RIMS1: variants seen among roughly 807,000 people sequenced by gnomAD.
RIMS1 encodes regulating synaptic membrane exocytosis 1, also known as regulating synaptic membrane exocytosis protein 1.
A neutral mutation model predicts 214.1 loss-of-function variants in RIMS1; 83 were observed. The ratio of observed to expected loss-of-function variants is 0.39; its 90% CI spans 0.32 to 0.47. The LOEUF (loss-of-function observed/expected upper bound fraction) is 0.47, where lower values mean the gene tolerates loss of function less well. Ranked by LOEUF, RIMS1 falls within the 20% of genes least tolerant of loss-of-function variation. RIMS1 has a pLI of 0.99. For missense variants in RIMS1, 2,050 were observed against 2,161.8 expected (o/e 0.95, Z 1.03); for synonymous variants, 793 against 786.8 (o/e 1.01, Z -0.13).
intron 26 of RIMS1, among the ~76,000 whole-genome samples, chr6:72,302,699 T>G (rs535529790): frequency 1.1e-3 from 170 of 151,748 alleles, no homozygotes; most frequent in African/African-American, 3.9e-3. Flanking sequence ...AGTTTTTTCA[T>G]TCACAAAATA....
chr6:72,277,526 G>C (rs1354874785), intron 23 of RIMS1, among the ~76,000 whole-genome samples: 2 of 150,964 alleles, frequency 1.3e-5, no homozygotes, highest in African/African-American at 4.9e-5. Flanking sequence ...AGCTTGCAGT[G>C]AGCCGACATC....
intron 9 of RIMS1, among the ~76,000 whole-genome samples, chr6:72,239,572 T>C (rs1460021337): frequency 6.6e-6 from 1 of 152,228 alleles, no homozygotes; most frequent in Non-Finnish European, 1.5e-5. Context: ...CCTATAAAAC[T>C]ACGGTGCAAT....
In RIMS1 at chr6:72,313,426, A is replaced by T. The variant is rs1455002879; in HGVS notation, c.3964-80A>T. The T allele has an allele frequency of 4.7e-6, 6 of 1,269,482 alleles. No individual in the cohort carries two copies. The African/African-American group carries it at 8.9e-5, about 19-fold the overall frequency. 78.6% of individuals were successfully genotyped at this position (1,269,482 alleles called of 1,614,324 possible). Reference sequence around the variant, plus strand: ...GGTACACCTTTATTTGGTGTGGGCTAAGTAGTCATTCATCTCACCATCTAT... The same window carrying T: ...GGTACACCTTTATTTGGTGTGGGCTTAGTAGTCATTCATCTCACCATCTAT... On this transcript the variant is annotated intron_variant, in intron 27 of 33. Coordinates refer to ENST00000521978, the MANE Select transcript of RIMS1 (RefSeq NM_014989.7).
chr6:72,318,393 A>G (rs1346835540), intron 28 of RIMS1, among the ~76,000 whole-genome samples: 2 of 152,014 alleles, frequency 1.3e-5, no homozygotes, highest in East Asian at 3.9e-4. Flanking sequence ...AAGTATATAA[A>G]TTTTGTTAAG....
chr6:71,950,356 G>T (rs1318505331), intron 1 of RIMS1, among the ~76,000 whole-genome samples: 4 of 151,772 alleles, frequency 2.6e-5, no homozygotes, highest in African/African-American at 9.7e-5. Context: ...GAATTTTATT[G>T]TATAGATTTT....
chr6:72,019,286 C>CTGT (rs10665509), intron 2 of RIMS1, among the ~76,000 whole-genome samples: 83,091 of 151,684 alleles, frequency 0.55, 23,232 homozygotes, highest in Non-Finnish European at 0.61. Flanking sequence ...AGGCATTAAA[C>CTGT]TGTTATATCT....
intron 30 of RIMS1, 100 bp downstream of exon 30, chr6:72,390,836 T>G: frequency 3.5e-6 from 5 of 1,414,834 alleles, no homozygotes; most frequent in Non-Finnish European, 2.9e-6. Context: ...AGCTTCTCTA[T>G]TTAATCAGAA....
chr6:72,224,475 A>G (rs1197373213), intron 6 of RIMS1, among the ~76,000 whole-genome samples: 4 of 152,234 alleles, frequency 2.6e-5, no homozygotes, highest in South Asian at 2.1e-4. Flanking sequence ...GACAAAGCCA[A>G]GAAACCAGTG....
intron 4 of RIMS1, among the ~76,000 whole-genome samples, chr6:72,154,921 A>G (rs192618377): frequency 7.1e-6 from 1 of 140,516 alleles, no homozygotes; most frequent in Admixed American, 7.3e-5. Flanking sequence ...TCATAGCCGA[A>G]TGGTTGAGAG....
intron 29 of RIMS1, among the ~76,000 whole-genome samples, chr6:72,373,068 C>G (rs1430517586): frequency 2.6e-5 from 4 of 152,300 alleles, no homozygotes; most frequent in Admixed American, 6.5e-5. Context: ...TGGTAAGGAG[C>G]TAAGTAACCA....
chr6:72,183,532 ACC>A (rs1222314597), intron 6 of RIMS1, among the ~76,000 whole-genome samples: 3 of 149,856 alleles, frequency 2.0e-5, no homozygotes, highest in South Asian at 2.1e-4. Context: ...TTAAAAAAAA[ACC>A]ACATCAGTTA....
intron 4 of RIMS1, among the ~76,000 whole-genome samples, chr6:72,112,569 G>T (rs935314978): frequency 2.0e-5 from 3 of 152,036 alleles, no homozygotes; most frequent in Non-Finnish European, 4.4e-5. Flanking sequence ...CCTGGCCCCA[G>T]TGCATACTAA....
At chr6:72,105,375 GCTCT>G (rs1451026498) in intron 4 of RIMS1, among the ~76,000 whole-genome samples, 1 of 151,852 alleles carries the variant, frequency 6.6e-6, no homozygotes, top group Non-Finnish European at 1.5e-5. Flanking sequence ...ATGCCAAGAT[GCTCT>G]CTTTCTGTTC....
chr6:71,897,429 T>G (rs1016614248), intron 1 of RIMS1, among the ~76,000 whole-genome samples: 6 of 152,184 alleles, frequency 3.9e-5, no homozygotes, highest in Non-Finnish European at 8.8e-5. Flanking sequence ...CTATTTCTGT[T>G]CTTTGGTCCG....
chr6:71,916,300 GCCAA>G lies in RIMS1; in HGVS notation c.164+29114_164+29117del, dbSNP rs1401424322. 2.0e-5 allele frequency among the ~76,000 whole-genome samples: 3 copies of G among 152,216 alleles called. No homozygotes were observed. In the South Asian group the frequency reaches 6.2e-4, roughly 32 times the overall value. ...AATAGTCAAGTTGTTTCTAGCAAAAGCCAATTAGAGTAACTAGCATTCAAAAAGA... is the reference window on the plus strand; with the variant it reads ...AATAGTCAAGTTGTTTCTAGCAAAAGTTAGAGTAACTAGCATTCAAAAAGA... On this transcript the variant is annotated intron_variant, in intron 1 of 33. Transcript: ENST00000521978.
At chr6:72,021,557 C>T (rs904172791) in intron 2 of RIMS1, among the ~76,000 whole-genome samples, 1 of 152,066 alleles carries the variant, frequency 6.6e-6, no homozygotes. Flanking sequence ...AAAACTTAAG[C>T]CCAGTATACC....
intron 1 of RIMS1, among the ~76,000 whole-genome samples, chr6:71,909,457 T>C (rs893462870): frequency 6.6e-6 from 1 of 152,202 alleles, no homozygotes; most frequent in Non-Finnish European, 1.5e-5. Flanking sequence ...GTGGGGCAAA[T>C]TGACATCCAA....
intron 6 of RIMS1, among the ~76,000 whole-genome samples, 194 bp from the exon 7 acceptor site, chr6:72,233,578 GA>G (rs2062843795): frequency 1.3e-5 from 2 of 151,386 alleles, no homozygotes; most frequent in African/African-American, 4.8e-5. Flanking sequence ...TTCATTGTAT[GA>G]AGTGCATTTG....
intron 29 of RIMS1, among the ~76,000 whole-genome samples, chr6:72,378,058 T>C (rs545011273): frequency 6.6e-6 from 1 of 152,350 alleles, no homozygotes; most frequent in South Asian, 2.1e-4. Flanking sequence ...TCAAGGTACA[T>C]TGAGTCCCCC....
Sources: gnomAD v4.1 joint callset for allele counts (sites outside exome capture counted in the v4.1 genomes callset) on GRCh38, gnomAD v4.1.1 for gene constraint, MANE v1.5 for transcripts, NCBI Gene and HGNC (gene_info 2026-07-23, HGNC 2026-07-21) for gene names.